The following PRMT3 variants were observed in gnomAD, a reference collection of about 807,000 sequenced individuals.
PRMT3 encodes the protein protein arginine methyltransferase 3, also known as protein arginine N-methyltransferase 3.
A neutral mutation model predicts 71.9 loss-of-function variants in PRMT3; 62 were observed. The ratio of observed to expected loss-of-function variants is 0.86; its 90% CI spans 0.70 to 1.07. PRMT3 has a LOEUF of 1.07. PRMT3 is among the 50% of genes least tolerant of loss of function. The probability of loss-of-function intolerance (pLI) is 0.00; values close to 1 mark genes in which losing one functional copy is unlikely to be tolerated. For synonymous variants in PRMT3, 213 were observed against 220.4 expected (o/e 0.97, Z 0.30); for missense variants, 663 against 643.0 (o/e 1.03, Z -0.34).
chr11:20,494,390 G>A (rs1252083269), intron 15 of PRMT3, 136 bp downstream of exon 15: 1 of 763,804 alleles, frequency 1.3e-6, no homozygotes, highest in Non-Finnish European at 2.1e-6. Flanking sequence ...CCAGGCTGGA[G>A]AACAGTGATC....
At chr11:20,426,329 C>A (rs917714219) in intron 9 of PRMT3, among the ~76,000 whole-genome samples, 14 of 152,166 alleles carry the variant, frequency 9.2e-5, no homozygotes, top group African/African-American at 3.1e-4. Flanking sequence ...TGGTGAAGAT[C>A]ACATAGCTGA....
intron 13 of PRMT3, among the ~76,000 whole-genome samples, chr11:20,470,753 G>A (rs1850623899): frequency 6.6e-6 from 1 of 152,034 alleles, no homozygotes; most frequent in African/African-American, 2.4e-5. Flanking sequence ...CTGGATATAT[G>A]TACCCAGTAA....
At chr11:20,435,478 C>G (rs990198160) in intron 10 of PRMT3, among the ~76,000 whole-genome samples, 29 of 152,082 alleles carry the variant, frequency 1.9e-4, no homozygotes, top group African/African-American at 7.0e-4. Context: ...CTAGGATTAC[C>G]GCGCTCAGAC....
chr11:20,402,800 C>T, intron 7 of PRMT3, 119 bp from the exon 8 acceptor site: 24 of 596,466 alleles, frequency 4.0e-5, no homozygotes, highest in South Asian at 1.2e-4. Context: ...CTTGGTATCC[C>T]AGGTATAAAA....
At position 20,389,785 on chromosome 11, in the gene PRMT3, C is replaced by G. The variant is rs1176955586; in HGVS notation, c.206C>G (p.Ser69Cys). ...SAEETFSHCK[S>C]EHQFNIDSMV... Reference sequence around the variant, plus strand: ...GAAGAAACATTTTCACACTGTAAGTCTGAGCATCAGTTTAATATTGACAGC... The same window carrying G: ...GAAGAAACATTTTCACACTGTAAGTGTGAGCATCAGTTTAATATTGACAGC... Residue 69 changes from serine to cysteine, a missense_variant, in exon 3 of 16, where the codon TCT becomes TGT. Coordinates refer to ENST00000331079, the MANE Select transcript of PRMT3 (RefSeq NM_005788.4). 1.2e-6 allele frequency: 2 copies of G among 1,612,266 alleles called. No homozygotes were observed. The highest frequency in any genetic ancestry group is 1.7e-6 in the Non-Finnish European group (2 of 1,178,658).
At chr11:20,419,389 A>G (rs565455057) in intron 9 of PRMT3, among the ~76,000 whole-genome samples, 188 of 152,226 alleles carry the variant, frequency 1.2e-3, no homozygotes, top group Admixed American at 2.6e-3. Flanking sequence ...CTATGTGTAT[A>G]TTTTGGACTT....
chr11:20,499,478 T>G (rs1322313624), intron 15 of PRMT3, among the ~76,000 whole-genome samples: 1 of 152,100 alleles, frequency 6.6e-6, no homozygotes, highest in African/African-American at 2.4e-5. Context: ...TTTTTTTTAA[T>G]TAGCCAAGTG....
chr11:20,422,311 C>T (rs990312282), intron 9 of PRMT3, among the ~76,000 whole-genome samples: 1 of 152,022 alleles, frequency 6.6e-6, no homozygotes. Flanking sequence ...TGAATACTCT[C>T]AGAACATAGT....
intron 3 of PRMT3, among the ~76,000 whole-genome samples, chr11:20,391,205 T>C (rs1848706699): frequency 6.6e-6 from 1 of 152,228 alleles, no homozygotes; most frequent in African/African-American, 2.4e-5. Context: ...GCAAGTACTT[T>C]CGTAAGGCAT....
chr11:20,394,730 CT>C (rs1848788597), intron 5 of PRMT3, among the ~76,000 whole-genome samples: 1 of 152,142 alleles, frequency 6.6e-6, no homozygotes, highest in South Asian at 2.1e-4. Flanking sequence ...AGTGTGTACC[CT>C]TTGACCAACA....
At chr11:20,427,919 T>C (rs186562255) in intron 10 of PRMT3, among the ~76,000 whole-genome samples, 324 of 152,356 alleles carry the variant, frequency 2.1e-3, no homozygotes, top group Middle Eastern at 0.017. Context: ...TGCTTTATAA[T>C]TTTTTATAAA....
chr11:20,390,174 A>G (rs1236217101), intron 3 of PRMT3, among the ~76,000 whole-genome samples: 2 of 151,924 alleles, frequency 1.3e-5, no homozygotes, highest in African/African-American at 4.8e-5. Flanking sequence ...TCTGTGAAAT[A>G]TAAGTTCAGA....
intron 10 of PRMT3, among the ~76,000 whole-genome samples, chr11:20,449,685 G>A (rs1850106491): frequency 6.6e-6 from 1 of 152,002 alleles, no homozygotes; most frequent in Non-Finnish European, 1.5e-5. Flanking sequence ...TTATTTGTCA[G>A]TTTTAATTTT....
chr11:20,439,416 C>G (rs1038905038), intron 10 of PRMT3, among the ~76,000 whole-genome samples: 5 of 152,158 alleles, frequency 3.3e-5, no homozygotes, highest in Non-Finnish European at 7.3e-5. Flanking sequence ...TTTGTGCTCA[C>G]CAGCGTTTCT....
chr11:20,462,048 G>A lies in PRMT3; in HGVS notation c.1141G>A (p.Ala381Thr), dbSNP rs1413104172. ...TGTGAATAAACATGCTGATAGAATT[G>A]CTTTTTGGGATGATGTCTATGGCTT... is the stretch of plus-strand genomic sequence containing the variant. ...SDVNKHADRI[A>T]FWDDVYGFKM... Residue 381 changes from alanine (A) to threonine (T), a missense_variant, in exon 12 of 16, where the codon GCT becomes ACT. By Grantham distance (58) the Ala-to-Thr change is moderately conservative. Coordinates refer to ENST00000331079, the MANE Select transcript of PRMT3 (RefSeq NM_005788.4). 1.9e-6 allele frequency: 3 copies of A among 1,612,744 alleles called. No homozygotes were observed. Among genetic ancestry groups the A allele is most frequent in the Non-Finnish European group, 2.5e-6 (3 of 1,179,166 alleles).
chr11:20,480,353 T>C (rs1456662318), intron 13 of PRMT3, among the ~76,000 whole-genome samples: 2 of 152,196 alleles, frequency 1.3e-5, no homozygotes, highest in East Asian at 1.9e-4. Context: ...TAGCTAGATA[T>C]CTGTTTTTTT....
At chr11:20,446,820 G>A (rs1010874633) in intron 10 of PRMT3, among the ~76,000 whole-genome samples, 1 of 152,102 alleles carries the variant, frequency 6.6e-6, no homozygotes, top group African/African-American at 2.4e-5. Flanking sequence ...AAGTGCAAAG[G>A]GTAAAGGTAT....
Position 20,388,132 on chromosome 11 carries a change from AC to A in PRMT3, c.147del (p.Cys50AlafsTer43). On this transcript the variant is annotated frameshift_variant, in exon 2 of 16. Coordinates refer to ENST00000331079, the MANE Select transcript of PRMT3 (RefSeq NM_005788.4). LOFTEE classifies it high-confidence loss of function. ...AGATCTCCCCCACGGCAAGCAGCAGACCCCCTGCCTGTTCTGTAACAGGTTC... is the reference window on the plus strand; with the variant it reads ...AGATCTCCCCCACGGCAAGCAGCAGACCCCTGCCTGTTCTGTAACAGGTTC... Reference protein sequence around the residue: ...DADLPHGKQQTPCLFCNRLFT... With the variant: ...DADLPHGKQQXPCLFCNRLFT... 1 of 1,613,446 alleles carries A rather than the reference AC, an allele frequency of 6.2e-7. No homozygotes were observed. Among genetic ancestry groups the A allele is most frequent in the Non-Finnish European group, 8.5e-7 (1 of 1,179,864 alleles).
chr11:20,440,095 A>G (rs1405309178), intron 10 of PRMT3, among the ~76,000 whole-genome samples: 1 of 152,242 alleles, frequency 6.6e-6, no homozygotes, highest in African/African-American at 2.4e-5. Flanking sequence ...AATCAGTTCC[A>G]AGTGGAGTAA....
Sources: allele counts gnomAD v4.1 joint callset (sites outside exome capture counted in the v4.1 genomes callset), GRCh38; gene constraint gnomAD v4.1.1; transcripts MANE v1.5; gene names NCBI Gene and HGNC (gene_info 2026-07-23, HGNC 2026-07-21).